The following E2F2 variants were observed in gnomAD, a reference collection of about 807,000 sequenced individuals.
E2F2 encodes E2F transcription factor 2.
E2F2 carries 22 observed loss-of-function variants against 42.2 expected under a neutral mutation model. The ratio of observed to expected loss-of-function variants is 0.52; its 90% confidence interval spans 0.37 to 0.74. The LOEUF is 0.74. Among genes scored for constraint, E2F2 ranks in the 30% least tolerant of loss-of-function variants. The pLI is 0.00. For synonymous variants in E2F2, 248 were observed against 251.6 expected, an observed-to-expected ratio of 0.99 and a Z score of 0.13; for missense variants, 481 against 557.8, an observed-to-expected ratio of 0.86 and a Z score of 1.39.
chr1:23,519,106 A>C lies in E2F2; in HGVS notation c.762T>G (p.Asp254Glu), dbSNP rs751675843. 2 of 1,613,950 alleles carry C rather than the reference A, an allele frequency of 1.2e-6. No individual in the cohort carries two copies. The highest frequency in any genetic ancestry group is 1.7e-6 in the Non-Finnish European group (2 of 1,179,918). ...CCTTAAAGTTGCCAACAGCACGGATATCCTGGTAAGTCACATAGGCCAGCG... is the reference window on the plus strand; with the variant it reads ...CCTTAAAGTTGCCAACAGCACGGATCTCCTGGTAAGTCACATAGGCCAGCG... ...NKRLAYVTYQDIRAVGNFKEQ... is the reference protein window; with the variant it reads ...NKRLAYVTYQEIRAVGNFKEQ... The change falls in exon 5 of 7, where the codon GAT becomes GAG. Residue 254 changes from aspartate to glutamate, a missense_variant. Transcript: ENST00000361729.
At chr1:23,511,786 T>C (rs1425883216) in intron 6 of E2F2, among the ~76,000 whole-genome samples, 5 of 152,234 alleles carry the variant, frequency 3.3e-5, no homozygotes, top group African/African-American at 9.6e-5. Context: ...TATTTTGAGA[T>C]GGAGTCTTGC....
Position 23,507,778 on chromosome 1 carries a change from GGA to G in E2F2, c.*2100_*2101del, listed in dbSNP as rs1371088382. On this transcript the variant is annotated 3_prime_UTR_variant, in exon 7 of 7. Transcript: ENST00000361729. Reference sequence around the variant, plus strand: ...AGGCAGCTCCCCTGACCAGCCATATGGAGAGGCCTCTAGGGCATGAGCTTACA... The same window carrying G: ...AGGCAGCTCCCCTGACCAGCCATATGGAGGCCTCTAGGGCATGAGCTTACA... 6.6e-6 allele frequency: 1 copy of G among 152,428 alleles called. No homozygotes were observed. Among genetic ancestry groups the G allele is most frequent in the Admixed American group, 6.5e-5 (1 of 15,306 alleles). 9.4% of individuals were successfully genotyped at this position (152,428 alleles called of 1,614,324 possible). A position where few individuals can be genotyped will look rare whatever the true frequency, so the allele number is the denominator to read the frequency against.
chr1:23,521,108 G>A, intron 3 of E2F2, 37 bp from the exon 4 acceptor site: 1 of 1,573,928 alleles, frequency 6.4e-7, no homozygotes, highest in African/African-American at 1.4e-5. Flanking sequence ...CAGTCTGTGG[G>A]TGAAACTCCA....
chr1:23,516,811 GC>G (rs1643032570), intron 5 of E2F2, among the ~76,000 whole-genome samples: 1 of 127,226 alleles, frequency 7.9e-6, no homozygotes, highest in Non-Finnish European at 1.7e-5. Flanking sequence ...GGGGGGGGGG[GC>G]AGCACCCTTC....
At position 23,507,903 on chromosome 1, in the gene E2F2, G is replaced by C. The variant is rs1178793924; in HGVS notation, c.*1977C>G. 6.6e-6 allele frequency: 1 copy of C among 152,274 alleles called. No homozygotes were observed. The highest frequency in any genetic ancestry group is 1.5e-5 in the Non-Finnish European group (1 of 68,116). 9.4% of individuals were successfully genotyped at this position (152,274 alleles called of 1,614,324 possible). ...CTTGGGGAAAGCTCCAGAGCCCAAGGAATGGGAGTCAAACACCTCTGACTT... is the reference window on the plus strand; with the variant it reads ...CTTGGGGAAAGCTCCAGAGCCCAAGCAATGGGAGTCAAACACCTCTGACTT... On this transcript the variant is annotated 3_prime_UTR_variant, in exon 7 of 7. Transcript: ENST00000361729.
At chr1:23,526,381 C>A (rs542210003) in intron 1 of E2F2, among the ~76,000 whole-genome samples, 8 of 152,190 alleles carry the variant, frequency 5.3e-5, no homozygotes, top group African/African-American at 1.9e-4. Flanking sequence ...AGGCCTCCAT[C>A]AATCCTGACC....
At position 23,508,553 on chromosome 1, in the gene E2F2, C is replaced by T. The variant is rs1642845693; in HGVS notation, c.*1327G>A. ...TGGGATGATCAAGCCTCTGGGGGAA[C>T]AGGCTGAAGCCAAAAGACCCCCTCA... On this transcript the variant is annotated 3_prime_UTR_variant, in exon 7 of 7. Transcript: ENST00000361729. 1 of 152,326 alleles carries T rather than the reference C, an allele frequency of 6.6e-6. No individual in the cohort carries two copies. The highest frequency in any genetic ancestry group is 1.5e-5 in the Non-Finnish European group (1 of 68,174). 9.4% of individuals were successfully genotyped at this position (152,326 alleles called of 1,614,324 possible). A position where few individuals can be genotyped will look rare whatever the true frequency, so the allele number is the denominator to read the frequency against.
chr1:23,523,917 T>C (rs780780802), intron 2 of E2F2, among the ~76,000 whole-genome samples: 68 of 151,612 alleles, frequency 4.5e-4, no homozygotes, highest in Non-Finnish European at 8.8e-4. Flanking sequence ...CTACTAAAAA[T>C]ACAAAAATTA....
chr1:23,519,028 G>A lies in E2F2; in HGVS notation c.840C>T (p.Pro280=), dbSNP rs200206288. 1.1e-5 allele frequency: 18 copies of A among 1,613,660 alleles called. No individual in the cohort carries two copies. The highest frequency in any genetic ancestry group is 2.7e-5 in the African/African-American group (2 of 75,000). ...KAPPQTRLEV[P]DRTEDNLQIY... ...TTTCCCCTCTCACCTCAGTCCTGTCGGGCACTTCCAGTCTCGTCTGCGGAG... is the reference window on the plus strand; with the variant it reads ...TTTCCCCTCTCACCTCAGTCCTGTCAGGCACTTCCAGTCTCGTCTGCGGAG... Residue 280 remains proline (P), a synonymous_variant, in exon 5 of 7, where the codon CCC becomes CCT. Coordinates refer to ENST00000361729, the MANE Select transcript of E2F2 (RefSeq NM_004091.4).
chr1:23,512,456 T>TA (rs529178670), intron 6 of E2F2, among the ~76,000 whole-genome samples: 210 of 147,924 alleles, frequency 1.4e-3, no homozygotes, highest in South Asian at 5.0e-3. Flanking sequence ...GTATATTAAT[T>TA]AAAAAAAAAA....
chr1:23,526,642 G>A (rs1411086839), intron 1 of E2F2, among the ~76,000 whole-genome samples: 2 of 152,138 alleles, frequency 1.3e-5, no homozygotes, highest in East Asian at 1.9e-4. Flanking sequence ...ACTGGCTCTC[G>A]GAAGCCAAAA....
At position 23,509,592 on chromosome 1, in the gene E2F2, C is replaced by T. The variant is rs905071911; in HGVS notation, c.*288G>A. The T allele has an allele frequency of 8.1e-6, 3 of 370,742 alleles. No individual in the cohort carries two copies. The highest frequency in any genetic ancestry group is 5.0e-5 in the East Asian group (1 of 19,930). The allele number at this position is 370,742 out of a possible 1,614,324, so 23.0% of individuals were successfully genotyped here. Reference sequence around the variant, plus strand: ...AGCAGGGCCTTTCCCTGGACTTGGCCACCTCACCTGCAGCCTTCTTGTGAG... The same window carrying T: ...AGCAGGGCCTTTCCCTGGACTTGGCTACCTCACCTGCAGCCTTCTTGTGAG... On this transcript the variant is annotated 3_prime_UTR_variant, in exon 7 of 7. Coordinates refer to ENST00000361729, the MANE Select transcript of E2F2 (RefSeq NM_004091.4).
At chr1:23,522,283 A>G (rs947498395) in intron 2 of E2F2, among the ~76,000 whole-genome samples, 1 of 152,210 alleles carries the variant, frequency 6.6e-6, no homozygotes, top group African/African-American at 2.4e-5. Context: ...CAGTGTTGGA[A>G]GCCTAGTGTC....
intron 1 of E2F2, among the ~76,000 whole-genome samples, chr1:23,529,910 G>C (rs566186064): frequency 6.6e-6 from 1 of 152,218 alleles, no homozygotes; most frequent in Non-Finnish European, 1.5e-5. Flanking sequence ...CTCTGGCAAC[G>C]AGCCTGGGAG....
At chr1:23,526,974 C>T (rs1341496183) in intron 1 of E2F2, among the ~76,000 whole-genome samples, 1 of 152,228 alleles carries the variant, frequency 6.6e-6, no homozygotes, top group Non-Finnish European at 1.5e-5. Context: ...CTCCCTGACA[C>T]CTTTGGACAG....
At chr1:23,513,361 G>A (rs561957551) in intron 6 of E2F2, among the ~76,000 whole-genome samples, 1 of 152,080 alleles carries the variant, frequency 6.6e-6, no homozygotes, top group African/African-American at 2.4e-5. Context: ...GAATGTCAGA[G>A]CCTGGAGAAA....
At chr1:23,515,527 A>AT (rs1021655361) in intron 6 of E2F2, among the ~76,000 whole-genome samples, 25 of 147,590 alleles carry the variant, frequency 1.7e-4, no homozygotes, top group Non-Finnish European at 1.4e-4. Context: ...TCTATGTCTT[A>AT]TTTTTTTTTT....
rs1008369059 is a variant in E2F2, at chr1:23,530,887, G to A, written c.-94C>T. ...CCGCCTTTCACACGGCCCGCGGCAT[G>A]GCGCGGAGGCCGGGGGAAGCCGCCA... is the stretch of plus-strand genomic sequence containing the variant. On this transcript the variant is annotated 5_prime_UTR_variant, in exon 1 of 7. Coordinates refer to ENST00000361729, the MANE Select transcript of E2F2 (RefSeq NM_004091.4). This position sits in a 1 kb window ranked among gnomAD's most constrained non-coding sequence, Gnocchi z 4.4. 2.9e-6 allele frequency: 4 copies of A among 1,390,464 alleles called. No individual in the cohort carries two copies. The African/African-American group carries it at 6.0e-5, about 21-fold the overall frequency. The allele number at this position is 1,390,464 out of a possible 1,614,324, so 86.1% of individuals were successfully genotyped here.
chr1:23,509,817 G>A lies in E2F2; in HGVS notation c.*63C>T. ...CCAATGTCCCTGTGCAGGCAGAGGG[G>A]CTGTCAGCCTGTCTGTGAGGAGGTA... is the stretch of plus-strand genomic sequence containing the variant. On this transcript the variant is annotated 3_prime_UTR_variant, in exon 7 of 7. Transcript: ENST00000361729. 1 of 1,488,878 alleles carries A rather than the reference G, an allele frequency of 6.7e-7. No individual in the cohort carries two copies. The highest frequency in any genetic ancestry group is 8.9e-7 in the Non-Finnish European group (1 of 1,117,684). The allele number at this position is 1,488,878 out of a possible 1,614,324, so 92.2% of individuals were successfully genotyped here.
Sources: allele counts gnomAD v4.1 joint callset (sites outside exome capture counted in the v4.1 genomes callset), GRCh38; gene constraint gnomAD v4.1.1; non-coding constraint Gnocchi (gnomAD v3.1); transcripts MANE v1.5; gene names NCBI Gene and HGNC (gene_info 2026-07-23, HGNC 2026-07-21).